The following ABCG2 variants were observed in gnomAD, a reference collection of about 807,000 sequenced individuals.
ABCG2 encodes ATP binding cassette subfamily G member 2 (JR blood group).
Under a neutral mutation model 73.5 loss-of-function variants are expected in ABCG2, and 80 were observed. The observed-to-expected ratio is 1.09, with a 90% CI of 0.91 to 1.31. The LOEUF (loss-of-function observed/expected upper bound fraction) is 1.31. Ranked by LOEUF, ABCG2 falls within the 50% of genes most tolerant of loss-of-function variation. The probability of loss-of-function intolerance (pLI) is 0.00; values close to 1 mark genes in which losing one functional copy is unlikely to be tolerated. For synonymous variants in ABCG2, 269 were observed against 282.4 expected, an observed-to-expected ratio of 0.95 and a Z score of 0.48; for missense variants, 796 against 786.2, an observed-to-expected ratio of 1.01 and a Z score of -0.15.
At chr4:88,113,681 G>A (rs1451029128) in intron 8 of ABCG2, 128 bp from the exon 9 acceptor site, 1 of 1,212,110 alleles carries the variant, frequency 8.3e-7, no homozygotes, top group East Asian at 2.5e-5. Flanking sequence ...AGAAAAAATA[G>A]GCCAGGCACG....
intron 1 of ABCG2, among the ~76,000 whole-genome samples, chr4:88,174,161 C>A (rs1262275538): frequency 2.8e-5 from 4 of 141,878 alleles, no homozygotes; most frequent in Admixed American, 7.0e-5. Flanking sequence ...TTTTTTTTTT[C>A]TTTTTATTTT....
intron 8 of ABCG2, among the ~76,000 whole-genome samples, chr4:88,114,081 T>G (rs2065866606): frequency 1.3e-5 from 2 of 151,912 alleles, no homozygotes; most frequent in Admixed American, 1.3e-4. Flanking sequence ...GGCAGGAGGA[T>G]CATGCGAGGC....
chr4:88,140,769 A>T (rs1051013959), intron 1 of ABCG2, among the ~76,000 whole-genome samples: 7 of 152,214 alleles, frequency 4.6e-5, no homozygotes, highest in Non-Finnish European at 8.8e-5. Context: ...GGAAGTTGTT[A>T]TGCACCTTCA....
rs570377709 is a variant in ABCG2, at chr4:88,186,677, T to C, written c.-20+44317A>G. 1.2e-4 allele frequency among the ~76,000 whole-genome samples: 18 copies of C among 151,610 alleles called. No homozygotes were observed. In the South Asian group the frequency reaches 3.8e-3, roughly 32 times the overall value. ...GCTCACGCCTGTAATCCCAGCACTTTGGGAGGCCGAGGCGGGCGGATCACG... is the reference window on the plus strand; with the variant it reads ...GCTCACGCCTGTAATCCCAGCACTTCGGGAGGCCGAGGCGGGCGGATCACG... On this transcript the variant is annotated intron_variant, in intron 1 of 15. Coordinates refer to the ABCG2 transcript ENST00000515655.
At chr4:88,189,783 A>C (rs1202847447) in intron 1 of ABCG2, among the ~76,000 whole-genome samples, 1 of 152,194 alleles carries the variant, frequency 6.6e-6, no homozygotes, top group Non-Finnish European at 1.5e-5. Context: ...GTTGAATGTA[A>C]GTGGCAAAAT....
In ABCG2 at chr4:88,101,979, C is replaced by T. The variant is rs138332371; in HGVS notation, c.1278-660G>A. Among the ~76,000 whole-genome samples, 14 of 152,300 alleles carry T rather than the reference C, an allele frequency of 9.2e-5. No homozygotes were observed. The East Asian group carries it at 2.5e-3, about 27-fold the overall frequency. ...AGAAAAGTGGTAAGCTAAATAAAGTCTGTAAAGATTAAGAAATTCAATTAG... is the reference window on the plus strand; with the variant it reads ...AGAAAAGTGGTAAGCTAAATAAAGTTTGTAAAGATTAAGAAATTCAATTAG... On this transcript the variant is annotated intron_variant, in intron 10 of 15. Coordinates refer to ENST00000237612, the MANE Select transcript of ABCG2 (RefSeq NM_004827.3).
At chr4:88,099,653 A>T (rs1466787937) in intron 11 of ABCG2, among the ~76,000 whole-genome samples, 1 of 152,144 alleles carries the variant, frequency 6.6e-6, no homozygotes, top group Non-Finnish European at 1.5e-5. Flanking sequence ...AGCTCTGCGC[A>T]CAGCCCCTCT....
chr4:88,100,212 C>T (rs1402168513), intron 11 of ABCG2, among the ~76,000 whole-genome samples: 1 of 149,196 alleles, frequency 6.7e-6, no homozygotes, highest in African/African-American at 2.5e-5. Context: ...AAAAAAACAG[C>T]CAGGCGCCCC....
rs777052388 is a variant in ABCG2, at chr4:88,139,981, A to G, written c.15T>C (p.Asn5=). The change falls in exon 2 of 16, where the codon AAT becomes AAC. Residue 5 remains asparagine, a synonymous_variant. Transcript: ENST00000237612. ...GTGACACTGGGATAAAAACTTCGAC[A>G]TTACTGGAAGACATCTGGAGAGTTT... MSSS[N]VEVFIPVSQG... The G allele has an allele frequency of 2.5e-6, 4 of 1,614,038 alleles. No homozygotes were observed. The highest frequency in any genetic ancestry group is 3.4e-6 in the Non-Finnish European group (4 of 1,179,982).
chr4:88,158,365 C>A, intron 1 of ABCG2, 21 bp downstream of exon 1: 1 of 368,134 alleles, frequency 2.7e-6, no homozygotes, highest in Non-Finnish European at 5.4e-6. Context: ...CTCAGCGAAA[C>A]TGGTTTTACA....
At chr4:88,166,568 A>T (rs1182649201) in intron 1 of ABCG2, among the ~76,000 whole-genome samples, 1 of 152,154 alleles carries the variant, frequency 6.6e-6, no homozygotes, top group Non-Finnish European at 1.5e-5. Context: ...TTTCCTCCCA[A>T]CACTAATATG....
intron 1 of ABCG2, among the ~76,000 whole-genome samples, chr4:88,187,872 C>G (rs1479142768): frequency 6.6e-6 from 1 of 152,176 alleles, no homozygotes; most frequent in African/African-American, 2.4e-5. Context: ...ATGCTATTAA[C>G]AACACACACA....
In ABCG2 at chr4:88,221,875, A is replaced by G. The variant is rs185543973; in HGVS notation, c.-20+9119T>C. ...AACCCTTATTCTGGGGAGAAATTCA[A>G]GCACACTGAAGAAATTTGCATAAGT... On this transcript the variant is annotated intron_variant, in intron 1 of 15. Transcript: ENST00000515655. Among the ~76,000 whole-genome samples the G allele has an allele frequency of 3.7e-4, 57 of 152,356 alleles. 1 individual carries two copies. The East Asian group carries it at 0.011, about 29-fold the overall frequency.
intron 1 of ABCG2, among the ~76,000 whole-genome samples, chr4:88,227,457 G>A (rs57830863): frequency 0.035 from 5,368 of 152,060 alleles, 327 homozygotes; most frequent in African/African-American, 0.12. Context: ...ATACCCCCTC[G>A]CTAAACCATA....
chr4:88,229,872 C>A (rs543415418), intron 1 of ABCG2, among the ~76,000 whole-genome samples: 1 of 152,176 alleles, frequency 6.6e-6, no homozygotes, highest in African/African-American at 2.4e-5. Context: ...AAAATACATT[C>A]TATTCCCTAT....
intron 1 of ABCG2, among the ~76,000 whole-genome samples, chr4:88,208,997 C>G (rs1002770769): frequency 1.3e-4 from 18 of 134,314 alleles, no homozygotes; most frequent in Non-Finnish European, 6.4e-5. Flanking sequence ...GCGAGACTGT[C>G]TCAAAAAAAA....
rs1305628235 is a variant in ABCG2, at chr4:88,113,443, G to A, written c.1054C>T (p.Leu352Phe). The change falls in exon 9 of 16, where the codon CTT (leucine) becomes TTT (phenylalanine). Residue 352 changes from leucine (L) to phenylalanine (F), a missense_variant. Physicochemically the swap from Leu to Phe is conservative, Grantham distance 22. Transcript: ENST00000237612. ...TTCTTCTTCTTCTCACCCCCGGAAA[G>A]TTGATGTAATTCAGCTTTTGTCTCT... ...YKETKAELHQ[L>F]SGGEKKKKIT... The A allele has an allele frequency of 2.5e-6, 4 of 1,614,124 alleles. No homozygotes were observed. Among genetic ancestry groups the A allele is most frequent in the Admixed American group, 1.7e-5 (1 of 60,020 alleles).
At chr4:88,159,270 A>T (rs1462117511), upstream of ABCG2, 2 of 454,802 alleles carry the variant, frequency 4.4e-6, no homozygotes, top group South Asian at 3.1e-5. Context: ...GGGGACGCTG[A>T]CGCACAGGTT....
chr4:88,150,057 G>A lies in ABCG2; in HGVS notation c.-20+8329C>T, dbSNP rs6844086. Among the ~76,000 whole-genome samples the A allele has an allele frequency of 9.6e-3, 1,457 of 152,222 alleles. 16 individuals carry two copies. The highest frequency in any genetic ancestry group is 0.033 in the African/African-American group (1,380 of 41,526). Reference sequence around the variant, plus strand: ...GGGCCAGAAATGGTGGCTCACGCCTGTAATCCCAGCACTTTGGGAGGCCGA... The same window carrying A: ...GGGCCAGAAATGGTGGCTCACGCCTATAATCCCAGCACTTTGGGAGGCCGA... On this transcript the variant is annotated intron_variant, in intron 1 of 15. Transcript: ENST00000237612.
Sources: allele counts gnomAD v4.1 joint callset (sites outside exome capture counted in the v4.1 genomes callset), GRCh38; gene constraint gnomAD v4.1.1; transcripts MANE v1.5; gene names NCBI Gene and HGNC (gene_info 2026-07-23, HGNC 2026-07-21).